The following WDR49 variants were observed in gnomAD, a reference collection of about 807,000 sequenced individuals.
WDR49 encodes the protein cilia- and flagella-associated protein 337.
A neutral mutation model predicts 119.5 loss-of-function variants in WDR49; 107 were observed. The ratio of observed to expected loss-of-function variants is 0.90; its 90% CI spans 0.77 to 1.05. The LOEUF (loss-of-function observed/expected upper bound fraction) is 1.05, where lower values mean the gene tolerates loss of function less well. WDR49 is among the 50% of genes least tolerant of loss of function. The probability of loss-of-function intolerance (pLI) is 0.00; values close to 1 mark genes in which losing one functional copy is unlikely to be tolerated. For missense variants in WDR49, 1,240 were observed against 1,220.5 expected (o/e 1.02, Z -0.24); for synonymous variants, 425 against 418.8 (o/e 1.01, Z -0.18).
chr3:167,498,647 A>C (rs1401250795), intron 18 of WDR49, among the ~76,000 whole-genome samples: 5 of 152,180 alleles, frequency 3.3e-5, no homozygotes, highest in African/African-American at 1.2e-4. Context: ...GTAGTCTCTT[A>C]GGTTAAAAAA....
intron 16 of WDR49, among the ~76,000 whole-genome samples, chr3:167,508,373 T>C (rs1751849015): frequency 6.6e-6 from 1 of 152,222 alleles, no homozygotes; most frequent in Admixed American, 6.5e-5. Flanking sequence ...TTGGTTGACC[T>C]TGTGCAAATC....
At chr3:167,578,118 G>C (rs1326374035) in intron 7 of WDR49, among the ~76,000 whole-genome samples, 1 of 151,960 alleles carries the variant, frequency 6.6e-6, no homozygotes, top group Admixed American at 6.6e-5. Flanking sequence ...CTTTTCTCCA[G>C]GTTAAATGAT....
At chr3:167,517,296 C>T (rs1039548095) in intron 16 of WDR49, among the ~76,000 whole-genome samples, 4 of 152,092 alleles carry the variant, frequency 2.6e-5, no homozygotes, top group African/African-American at 4.8e-5. Flanking sequence ...GTAACCAAAA[C>T]AGCATAGTAC....
chr3:167,657,534 T>TCC (rs199993551), upstream of WDR49, among the ~76,000 whole-genome samples: 2 of 140,720 alleles, frequency 1.4e-5, no homozygotes, highest in Admixed American at 7.1e-5. Flanking sequence ...CCCATTCTCC[T>TCC]CCCCCCCCAC....
intron 7 of WDR49, among the ~76,000 whole-genome samples, chr3:167,582,602 G>A (rs1009292271): frequency 6.6e-6 from 1 of 151,986 alleles, no homozygotes; most frequent in Non-Finnish European, 1.5e-5. Context: ...GACCTTAAAA[G>A]AGGCAAAACA....
At chr3:167,654,837 T>G (rs995056681), upstream of WDR49, among the ~76,000 whole-genome samples, 2 of 150,974 alleles carry the variant, frequency 1.3e-5, no homozygotes, top group Non-Finnish European at 2.9e-5. Flanking sequence ...GGGCAGAGGT[T>G]GCAGTGAGCC....
intron 5 of WDR49, among the ~76,000 whole-genome samples, chr3:167,610,504 T>A (rs974031208): frequency 2.0e-5 from 3 of 152,196 alleles, no homozygotes; most frequent in Non-Finnish European, 2.9e-5. Flanking sequence ...GTTGTTTGAG[T>A]GCCAGCTCAG....
intron 5 of WDR49, among the ~76,000 whole-genome samples, chr3:167,609,600 G>C (rs114831876): frequency 7.6e-4 from 115 of 152,306 alleles, no homozygotes; most frequent in African/African-American, 2.7e-3. Context: ...AACTTGAAAT[G>C]CCATAAAGCT....
At chr3:167,655,208 A>G (rs1299421329), upstream of WDR49, among the ~76,000 whole-genome samples, 1 of 152,196 alleles carries the variant, frequency 6.6e-6, no homozygotes, top group Non-Finnish European at 1.5e-5. Flanking sequence ...ATCAGATCTC[A>G]TGAGACTTAT....
chr3:167,505,274 T>A (rs1392659046), intron 17 of WDR49, 33 bp downstream of exon 17: 2 of 1,434,246 alleles, frequency 1.4e-6, no homozygotes. Context: ...TAAATAATAT[T>A]ATAAAAATAC....
chr3:167,533,991 C>A (rs1020305991), intron 11 of WDR49, among the ~76,000 whole-genome samples: 7 of 151,742 alleles, frequency 4.6e-5, no homozygotes, highest in Non-Finnish European at 8.8e-5. Context: ...AGTTCGAGAC[C>A]AGCCTGGCCA....
At chr3:167,540,331 G>T (rs1440286199) in intron 10 of WDR49, among the ~76,000 whole-genome samples, 1 of 152,118 alleles carries the variant, frequency 6.6e-6, no homozygotes, top group Admixed American at 6.6e-5. Flanking sequence ...GGTACCTATG[G>T]CTGAAACACC....
chr3:167,510,427 T>G (rs2108219118), intron 16 of WDR49, among the ~76,000 whole-genome samples: 1 of 152,306 alleles, frequency 6.6e-6, no homozygotes, highest in East Asian at 1.9e-4. Context: ...TTTTTTACTA[T>G]TTTATCCCTT....
intron 10 of WDR49, among the ~76,000 whole-genome samples, chr3:167,552,712 C>T (rs755226527): frequency 2.0e-5 from 3 of 151,910 alleles, no homozygotes; most frequent in Admixed American, 2.0e-4. Context: ...TAAAATATTG[C>T]CTACCTTCCG....
intron 2 of WDR49, among the ~76,000 whole-genome samples, chr3:167,634,997 T>G (rs1717546879): frequency 1.3e-5 from 2 of 151,864 alleles, no homozygotes; most frequent in Admixed American, 1.3e-4. Flanking sequence ...CTCTTATATA[T>G]TGGTCTTTAT....
intron 11 of WDR49, among the ~76,000 whole-genome samples, chr3:167,535,019 G>A (rs899485515): frequency 6.6e-6 from 1 of 152,160 alleles, no homozygotes; most frequent in East Asian, 1.9e-4. Context: ...ATTGTGTGCT[G>A]AGCACTGTGT....
chr3:167,574,982 A>G, intron 8 of WDR49: 1 of 814,902 alleles, frequency 1.2e-6, no homozygotes, highest in Non-Finnish European at 1.5e-6. Flanking sequence ...TAGTGACACG[A>G]CACACTACCC....
chr3:167,623,650 G>A (rs1201174960), intron 3 of WDR49, among the ~76,000 whole-genome samples: 3 of 151,852 alleles, frequency 2.0e-5, no homozygotes, highest in African/African-American at 4.8e-5. Context: ...ACAAGACAAG[G>A]ATGTTCACTC....
intron 18 of WDR49, among the ~76,000 whole-genome samples, chr3:167,490,653 G>A (rs1307962124): frequency 6.6e-6 from 1 of 152,022 alleles, no homozygotes; most frequent in Non-Finnish European, 1.5e-5. Flanking sequence ...GTAGCTTAAG[G>A]GCTAATGTGA....
Sources: gnomAD v4.1 joint callset for allele counts (sites outside exome capture counted in the v4.1 genomes callset) on GRCh38, gnomAD v4.1.1 for gene constraint, MANE v1.5 for transcripts, NCBI Gene and HGNC (gene_info 2026-07-23, HGNC 2026-07-21) for gene names.